Variants in PRKCB observed in about 807,000 individuals in gnomAD.
PRKCB encodes the protein protein kinase C beta type.
A neutral mutation model predicts 81.5 loss-of-function variants in PRKCB; 13 were observed. The ratio of observed to expected loss-of-function variants is 0.16; its 90% CI spans 0.10 to 0.25. The LOEUF (loss-of-function observed/expected upper bound fraction) is 0.25. Ranked by LOEUF, PRKCB falls within the 10% of genes least tolerant of loss-of-function variation. The pLI, the probability that PRKCB is intolerant of heterozygous loss-of-function variation, is 1.00. For missense variants in PRKCB, 509 were observed against 875.7 expected, an observed-to-expected ratio of 0.58 and a Z score of 5.29; for synonymous variants, 335 against 321.4, an observed-to-expected ratio of 1.04 and a Z score of -0.45.
At chr16:24,069,598 C>T (rs1227569942) in intron 5 of PRKCB, among the ~76,000 whole-genome samples, 1 of 152,104 alleles carries the variant, frequency 6.6e-6, no homozygotes. Flanking sequence ...AAGAAGTAGT[C>T]AGGCATGGTC....
At chr16:24,144,834 C>G (rs1438294570) in intron 9 of PRKCB, among the ~76,000 whole-genome samples, 1 of 152,172 alleles carries the variant, frequency 6.6e-6, no homozygotes, top group Non-Finnish European at 1.5e-5. Flanking sequence ...TTCATTGATT[C>G]AACGGATATG....
At chr16:24,101,633 A>G (rs1966509412) in intron 7 of PRKCB, among the ~76,000 whole-genome samples, 1 of 152,264 alleles carries the variant, frequency 6.6e-6, no homozygotes, top group African/African-American at 2.4e-5. Context: ...AGGAATGGAC[A>G]AGGATAGCTT....
At chr16:24,181,167 A>C (rs1967615720) in intron 13 of PRKCB, among the ~76,000 whole-genome samples, 1 of 152,228 alleles carries the variant, frequency 6.6e-6, no homozygotes, top group African/African-American at 2.4e-5. Flanking sequence ...AAAACCCAAA[A>C]GAACCATCCA....
chr16:24,183,312 T>C (rs766123329), intron 13 of PRKCB, among the ~76,000 whole-genome samples: 1 of 152,194 alleles, frequency 6.6e-6, no homozygotes, highest in Non-Finnish European at 1.5e-5. Context: ...AATTAACATA[T>C]TTATTGTCTC....
intron 3 of PRKCB, among the ~76,000 whole-genome samples, chr16:24,007,011 A>G (rs1965132948): frequency 6.6e-6 from 1 of 152,182 alleles, no homozygotes; most frequent in South Asian, 2.1e-4. Flanking sequence ...GGTAATTCTG[A>G]TGGATAGCTG....
intron 3 of PRKCB, among the ~76,000 whole-genome samples, chr16:23,992,701 C>G (rs1964902720): frequency 6.6e-6 from 1 of 152,160 alleles, no homozygotes; most frequent in Non-Finnish European, 1.5e-5. Context: ...GCTGAAATTT[C>G]TGAAAATTAA....
rs534566156 is a variant in PRKCB, at chr16:24,211,684, G to A, written c.1864-2974G>A. Among the ~76,000 whole-genome samples the A allele has an allele frequency of 6.0e-5, 9 of 150,964 alleles. No individual in the cohort carries two copies. In the East Asian group the frequency reaches 9.8e-4, roughly 16 times the overall value. ...AGTGATTCTCCTGCCTCAGCCTCCC[G>A]AGTAGCTGGGATTACAGGCACCTGA... On this transcript the variant is annotated intron_variant, in intron 16 of 16. Transcript: ENST00000643927.
chr16:24,218,746 C>A lies in PRKCB; in HGVS notation c.*3930C>A, dbSNP rs1410600330. The A allele has an allele frequency of 7.1e-6, 7 of 985,304 alleles. No individual in the cohort carries two copies. The highest frequency in any genetic ancestry group is 7.0e-5 in the African/African-American group (4 of 57,210). The allele number at this position is 985,304 out of a possible 1,614,324, so 61.0% of individuals were successfully genotyped here. On this transcript the variant is annotated 3_prime_UTR_variant, in exon 17 of 17. Transcript: ENST00000643927. ...AATGAGTCAGTGAATCCTTACCGAC[C>A]CCCTGGCCTTTATAATCTGAGGCAA...
intron 3 of PRKCB, among the ~76,000 whole-genome samples, chr16:24,008,012 A>G (rs1454327868): frequency 6.6e-6 from 1 of 152,106 alleles, no homozygotes; most frequent in African/African-American, 2.4e-5. Context: ...TTTTCAAAAA[A>G]AAAAAACTAA....
At chr16:23,883,516 G>A (rs146417028) in intron 2 of PRKCB, among the ~76,000 whole-genome samples, 331 of 152,288 alleles carry the variant, frequency 2.2e-3, no homozygotes, top group South Asian at 8.5e-3. Flanking sequence ...AGATGCAAAG[G>A]ATCAGATTTG....
Position 24,143,997 on chromosome 16 carries a change from T to C in PRKCB, c.1066-10687T>C, listed in dbSNP as rs1596567332. Among the ~76,000 whole-genome samples the C allele has an allele frequency of 2.0e-5, 3 of 152,212 alleles. No individual in the cohort carries two copies. In the East Asian group the frequency reaches 5.8e-4, roughly 29 times the overall value. ...AAACATCCATGCAAAACATTTCTCT[T>C]AGACCTAAGTTCTAGAGAAAGCTTA... On this transcript the variant is annotated intron_variant, in intron 9 of 16. Transcript: ENST00000643927.
chr16:23,981,747 T>C (rs1365016673), intron 2 of PRKCB, among the ~76,000 whole-genome samples: 1 of 52,590 alleles, frequency 1.9e-5, no homozygotes. Context: ...CCCTTCCCCT[T>C]CCCTTCCCTT....
intron 2 of PRKCB, among the ~76,000 whole-genome samples, chr16:23,898,400 C>A (rs2141121859): frequency 6.6e-6 from 1 of 152,120 alleles, no homozygotes; most frequent in East Asian, 1.9e-4. Flanking sequence ...CTGTTGTGTG[C>A]TAAGTACTGT....
chr16:24,127,994 C>T (rs1365174982), intron 9 of PRKCB, among the ~76,000 whole-genome samples: 1 of 152,028 alleles, frequency 6.6e-6, no homozygotes, highest in Non-Finnish European at 1.5e-5. Flanking sequence ...TCTTCCCCTT[C>T]GAAAGATGAA....
At chr16:24,156,502 T>G (rs1967160201) in intron 10 of PRKCB, among the ~76,000 whole-genome samples, 1 of 152,208 alleles carries the variant, frequency 6.6e-6, no homozygotes, top group Non-Finnish European at 1.5e-5. Flanking sequence ...CTTGAACTCC[T>G]GGACTCAAGT....
At chr16:23,960,307 C>T (rs535785726) in intron 2 of PRKCB, among the ~76,000 whole-genome samples, 1 of 152,156 alleles carries the variant, frequency 6.6e-6, no homozygotes, top group Non-Finnish European at 1.5e-5. Flanking sequence ...CTTCAGAACA[C>T]TTCCACTTTC....
At chr16:23,837,641 C>T (rs1345199546) in intron 2 of PRKCB, among the ~76,000 whole-genome samples, 1 of 152,142 alleles carries the variant, frequency 6.6e-6, no homozygotes, top group Non-Finnish European at 1.5e-5. Flanking sequence ...TCCTGCCTTC[C>T]CGGCTCTGGA....
rs190231822 is a variant in PRKCB, at chr16:23,923,318, G to A, written c.206-65190G>A. ...ATTGGCTCCCTTCTCAGATGGAAGA[G>A]ACTCCCCTCATCAAGGTGAGATGGC... is the stretch of plus-strand genomic sequence containing the variant. On this transcript the variant is annotated intron_variant, in intron 2 of 16. Coordinates refer to ENST00000643927, the MANE Select transcript of PRKCB (RefSeq NM_002738.7). Among the ~76,000 whole-genome samples the A allele has an allele frequency of 1.5e-3, 231 of 151,850 alleles. 2 individuals are homozygous for A. The highest frequency in any genetic ancestry group is 3.4e-3 in the Middle Eastern group (1 of 294).
intron 3 of PRKCB, among the ~76,000 whole-genome samples, chr16:24,012,432 C>T (rs1965215990): frequency 6.6e-6 from 1 of 152,206 alleles, no homozygotes; most frequent in South Asian, 2.1e-4. Context: ...GTCCCATCCT[C>T]ACTGAGAGGA....
Sources: allele counts gnomAD v4.1 joint callset (sites outside exome capture counted in the v4.1 genomes callset), GRCh38; gene constraint gnomAD v4.1.1; transcripts MANE v1.5; gene names NCBI Gene and HGNC (gene_info 2026-07-23, HGNC 2026-07-21).